ABTB3: variants seen among roughly 807,000 people sequenced by gnomAD.
ABTB3 encodes ankyrin repeat- and BTB/POZ domain-containing protein 3.
the ABTB3 span, chr12:107,651,623 T>C: frequency 7.5e-7 from 1 of 1,332,638 alleles, no homozygotes; most frequent in South Asian, 1.2e-5. Context: ...TATTGTTACC[T>C]CCTTTCCATC....
At chr12:107,641,272 A>G in the ABTB3 span, among the ~76,000 whole-genome samples, 1 of 152,242 alleles carries the variant, frequency 6.6e-6, no homozygotes. Context: ...CAGTCATGAC[A>G]GCATAGACAA....
chr12:107,555,898 G>C, the ABTB3 span, among the ~76,000 whole-genome samples: 17 of 152,116 alleles, frequency 1.1e-4, no homozygotes, highest in African/African-American at 3.6e-4. Context: ...ATTCATTGTA[G>C]AGACCAGGGA....
chr12:107,486,819 A>G, the ABTB3 span, among the ~76,000 whole-genome samples: 1 of 151,954 alleles, frequency 6.6e-6, no homozygotes, highest in Admixed American at 6.6e-5. Context: ...AGAGATTAAT[A>G]ATTTAACCAT....
the ABTB3 span, among the ~76,000 whole-genome samples, chr12:107,469,982 T>TCTCTCTC: frequency 1.4e-5 from 1 of 69,052 alleles, no homozygotes; most frequent in African/African-American, 9.8e-5. Flanking sequence ...CTTTCTTTCT[T>TCTCTCTC]TCTTTCTTTC....
chr12:107,318,837 A>G, the ABTB3 span: 1 of 1,345,238 alleles, frequency 7.4e-7, no homozygotes, highest in Non-Finnish European at 1.0e-6. Context: ...AAAGTGAGCC[A>G]AGGCGGCGCG....
the ABTB3 span, among the ~76,000 whole-genome samples, chr12:107,444,745 C>G: frequency 6.6e-6 from 1 of 152,116 alleles, no homozygotes. Flanking sequence ...AAAATACGCA[C>G]TCAACCTTTT....
chr12:107,547,711 C>A, the ABTB3 span, among the ~76,000 whole-genome samples: 4 of 152,130 alleles, frequency 2.6e-5, no homozygotes, highest in African/African-American at 9.7e-5. Flanking sequence ...GTCATATAGT[C>A]CTTTAAATTT....
the ABTB3 span, among the ~76,000 whole-genome samples, chr12:107,511,976 C>T: frequency 6.6e-6 from 1 of 152,086 alleles, no homozygotes; most frequent in Non-Finnish European, 1.5e-5. Flanking sequence ...TTAAGGATGT[C>T]CATTAAGTCC....
At chr12:107,491,067 A>G in the ABTB3 span, among the ~76,000 whole-genome samples, 1 of 152,166 alleles carries the variant, frequency 6.6e-6, no homozygotes, top group African/African-American at 2.4e-5. Flanking sequence ...GTGCATAATA[A>G]TGACTATACA....
chr12:107,336,402 A>G, the ABTB3 span, among the ~76,000 whole-genome samples: 1 of 152,264 alleles, frequency 6.6e-6, no homozygotes, highest in Non-Finnish European at 1.5e-5. Context: ...ATCTGAAGAC[A>G]GTCTGGCTGC....
chr12:107,425,192 G>A, the ABTB3 span, among the ~76,000 whole-genome samples: 7 of 152,090 alleles, frequency 4.6e-5, no homozygotes, highest in African/African-American at 1.4e-4. Flanking sequence ...GCTTCCATGC[G>A]TTTGCCAATG....
At chr12:107,324,380 T>A in the ABTB3 span, among the ~76,000 whole-genome samples, 3 of 152,232 alleles carry the variant, frequency 2.0e-5, no homozygotes, top group East Asian at 5.8e-4. Flanking sequence ...GAAAATAGCT[T>A]ATTTTGGGGA....
the ABTB3 span, among the ~76,000 whole-genome samples, chr12:107,325,301 G>C: frequency 2.6e-5 from 4 of 152,258 alleles, no homozygotes; most frequent in East Asian, 7.7e-4. Flanking sequence ...TCCCTAAACT[G>C]GTCATGCTGT....
the ABTB3 span, among the ~76,000 whole-genome samples, chr12:107,350,131 A>G: frequency 6.6e-6 from 1 of 152,228 alleles, no homozygotes; most frequent in Non-Finnish European, 1.5e-5. Context: ...TGTAGAGGAA[A>G]CAGACAGTTC....
the ABTB3 span, among the ~76,000 whole-genome samples, chr12:107,440,337 G>A: frequency 4.1e-4 from 62 of 152,316 alleles, 1 homozygote; most frequent in African/African-American, 1.3e-3. Context: ...CCAAGCTCAC[G>A]CCGACTTCCC....
At chr12:107,353,279 A>G in the ABTB3 span, among the ~76,000 whole-genome samples, 5 of 152,294 alleles carry the variant, frequency 3.3e-5, no homozygotes, top group South Asian at 1.0e-3. Context: ...ATAGAACCAT[A>G]TGACACCATG....
At chr12:107,380,403 C>T in the ABTB3 span, among the ~76,000 whole-genome samples, 1 of 152,314 alleles carries the variant, frequency 6.6e-6, no homozygotes, top group Admixed American at 6.5e-5. Flanking sequence ...AAGCCCCGCC[C>T]ACACCAGAAC....
the ABTB3 span, among the ~76,000 whole-genome samples, chr12:107,395,305 A>G: frequency 1.3e-5 from 2 of 152,058 alleles, no homozygotes; most frequent in Non-Finnish European, 2.9e-5. Context: ...TGGCACCAAA[A>G]TCTCTGTCCA....
chr12:107,482,526 C>G, the ABTB3 span, among the ~76,000 whole-genome samples: 1 of 152,186 alleles, frequency 6.6e-6, no homozygotes, highest in African/African-American at 2.4e-5. Flanking sequence ...GAGCCCTGAT[C>G]TAGGAGCTGG....
Sources: gnomAD v4.1 joint callset for allele counts (sites outside exome capture counted in the v4.1 genomes callset) on GRCh38, gnomAD v4.1.1 for gene constraint, MANE v1.5 for transcripts, NCBI Gene and HGNC (gene_info 2026-07-23, HGNC 2026-07-21) for gene names.